Variants in LDAH observed in about 807,000 individuals in gnomAD.
The protein encoded by LDAH is lipid droplet associated hydrolase.
In LDAH, 26 loss-of-function variants were observed where a neutral mutation model predicts 29.6. The observed-to-expected ratio is 0.88, with a 90% CI of 0.64 to 1.22. The LOEUF (loss-of-function observed/expected upper bound fraction) is 1.22, where lower values mean the gene tolerates loss of function less well. Among genes scored for constraint, LDAH ranks in the 50% most tolerant of loss-of-function variants. The probability of loss-of-function intolerance (pLI) is 0.00; values close to 1 mark genes in which losing one functional copy is unlikely to be tolerated. For synonymous variants in LDAH, 117 were observed against 133.0 expected, an observed-to-expected ratio of 0.88 and a Z score of 0.83; for missense variants, 344 against 387.3, an observed-to-expected ratio of 0.89 and a Z score of 0.94.
At chr2:20,760,469 C>T (rs377139931) in intron 4 of LDAH, among the ~76,000 whole-genome samples, 13 of 152,338 alleles carry the variant, frequency 8.5e-5, no homozygotes, top group African/African-American at 3.1e-4. Context: ...TAGCTGGGTT[C>T]TCTGCTTAGC....
chr2:20,732,215 A>G (rs1257700262), intron 5 of LDAH, among the ~76,000 whole-genome samples: 1 of 152,190 alleles, frequency 6.6e-6, no homozygotes, highest in Non-Finnish European at 1.5e-5. Context: ...CTAGCCTTGC[A>G]TCCCTGGAAT....
intron 5 of LDAH, among the ~76,000 whole-genome samples, chr2:20,706,601 G>T (rs1664318305): frequency 6.6e-6 from 1 of 151,482 alleles, no homozygotes; most frequent in African/African-American, 2.4e-5. Context: ...AATCTCAACT[G>T]AATTTTAATT....
chr2:20,688,568 A>G (rs1383365996), intron 6 of LDAH, among the ~76,000 whole-genome samples: 1 of 152,194 alleles, frequency 6.6e-6, no homozygotes, highest in Non-Finnish European at 1.5e-5. Context: ...AGGAGAGTGC[A>G]GGGAAGCAGG....
intron 1 of LDAH, among the ~76,000 whole-genome samples, chr2:20,807,740 G>A (rs1012885491): frequency 4.9e-4 from 74 of 151,730 alleles, no homozygotes; most frequent in African/African-American, 1.6e-3. Context: ...AAAATCTTCA[G>A]TAAATGTTTA....
chr2:20,701,220 G>A lies in LDAH; in HGVS notation c.786+350C>T, dbSNP rs141584446. 1.9e-3 allele frequency among the ~76,000 whole-genome samples: 282 copies of A among 152,254 alleles called. 4 individuals are homozygous for A. The highest frequency in any genetic ancestry group is 0.018 in the East Asian group (95 of 5,184). On this transcript the variant is annotated intron_variant, in intron 6 of 6. Transcript: ENST00000237822. ...GTCATGAGATCATATAACATATAAT[G>A]TATTTTCCACTGTTTCATTTATATT...
chr2:20,752,916 C>G (rs1303414663), intron 4 of LDAH, among the ~76,000 whole-genome samples: 1 of 152,186 alleles, frequency 6.6e-6, no homozygotes, highest in Non-Finnish European at 1.5e-5. Flanking sequence ...ACAGTTACAG[C>G]TACATGATTT....
intron 1 of LDAH, among the ~76,000 whole-genome samples, chr2:20,807,197 C>G (rs903334298): frequency 6.6e-6 from 1 of 151,836 alleles, no homozygotes; most frequent in African/African-American, 2.4e-5. Flanking sequence ...AACAAAAAAA[C>G]CAAACCCAAC....
At chr2:20,805,314 T>C (rs1193286998) in intron 1 of LDAH, among the ~76,000 whole-genome samples, 2 of 152,206 alleles carry the variant, frequency 1.3e-5, no homozygotes, top group South Asian at 2.1e-4. Context: ...CTAGCTGCTG[T>C]ATAGCTTCCC....
At chr2:20,750,661 T>A (rs751171707) in intron 4 of LDAH, among the ~76,000 whole-genome samples, 1 of 152,222 alleles carries the variant, frequency 6.6e-6, no homozygotes, top group Admixed American at 6.5e-5. Context: ...TTTGTCACCA[T>A]TAAATCAAAG....
At chr2:20,750,661 T>C (rs751171707) in intron 4 of LDAH, among the ~76,000 whole-genome samples, 13 of 152,222 alleles carry the variant, frequency 8.5e-5, no homozygotes, top group Middle Eastern at 3.2e-3. Flanking sequence ...TTTGTCACCA[T>C]TAAATCAAAG....
At chr2:20,770,732 G>C (rs1669356452) in intron 4 of LDAH, among the ~76,000 whole-genome samples, 1 of 152,188 alleles carries the variant, frequency 6.6e-6, no homozygotes, top group Non-Finnish European at 1.5e-5. Context: ...AGGGCACACT[G>C]TAATAGCTAT....
At chr2:20,722,698 A>G (rs1665744461) in intron 5 of LDAH, among the ~76,000 whole-genome samples, 1 of 152,206 alleles carries the variant, frequency 6.6e-6, no homozygotes, top group Admixed American at 6.5e-5. Context: ...TGTCACATGT[A>G]CCCTAAAATA....
chr2:20,723,962 A>G (rs1165678090), intron 5 of LDAH, among the ~76,000 whole-genome samples: 1 of 152,234 alleles, frequency 6.6e-6, no homozygotes, highest in Admixed American at 6.5e-5. Flanking sequence ...TTATTTACTA[A>G]CATTATTTTC....
chr2:20,766,583 T>A (rs1449149510), intron 4 of LDAH, among the ~76,000 whole-genome samples: 1 of 152,238 alleles, frequency 6.6e-6, no homozygotes, highest in African/African-American at 2.4e-5. Flanking sequence ...GCCACTGACA[T>A]TGTGTTATTA....
intron 1 of LDAH, among the ~76,000 whole-genome samples, chr2:20,813,780 T>C (rs1426426770): frequency 9.2e-5 from 14 of 152,216 alleles, no homozygotes; most frequent in Admixed American, 5.9e-4. Context: ...ATAAAATACC[T>C]TACTCTTTAA....
intron 5 of LDAH, among the ~76,000 whole-genome samples, chr2:20,703,300 C>G (rs1016721566): frequency 6.6e-6 from 1 of 152,162 alleles, no homozygotes; most frequent in African/African-American, 2.4e-5. Context: ...CTAGAGGAAG[C>G]CTCTCTGAAC....
intron 1 of LDAH, among the ~76,000 whole-genome samples, chr2:20,820,015 T>C (rs1572703582): frequency 6.6e-6 from 1 of 151,706 alleles, no homozygotes; most frequent in Non-Finnish European, 1.5e-5. Context: ...CCATTCACAA[T>C]TGCTTCAAAG....
intron 4 of LDAH, among the ~76,000 whole-genome samples, chr2:20,745,192 A>G (rs1025867841): frequency 4.6e-5 from 7 of 152,180 alleles, no homozygotes; most frequent in African/African-American, 1.7e-4. Context: ...ACTGGGTCAT[A>G]TAGTAGGCAT....
chr2:20,783,719 T>C (rs550429658), intron 3 of LDAH, among the ~76,000 whole-genome samples: 12 of 152,330 alleles, frequency 7.9e-5, no homozygotes, highest in Admixed American at 2.0e-4. Flanking sequence ...AATGTTTATT[T>C]GTTTGTTTTA....
Sources: allele counts gnomAD v4.1 joint callset (sites outside exome capture counted in the v4.1 genomes callset), GRCh38; gene constraint gnomAD v4.1.1; transcripts MANE v1.5; gene names NCBI Gene and HGNC (gene_info 2026-07-23, HGNC 2026-07-21).